The following CLVS1 variants were observed in gnomAD, a reference collection of about 807,000 sequenced individuals.
CLVS1 encodes clavesin 1, also known as clavesin-1.
CLVS1 carries 10 observed loss-of-function variants against 33.1 expected under a neutral mutation model. The observed-to-expected ratio is 0.30, with a 90% CI of 0.19 to 0.51. The LOEUF (loss-of-function observed/expected upper bound fraction) is 0.51. Ranked by LOEUF, CLVS1 falls within the 20% of genes least tolerant of loss-of-function variation. The probability of loss-of-function intolerance (pLI) is 0.97; values close to 1 mark genes in which losing one functional copy is unlikely to be tolerated. For missense variants in CLVS1, 343 were observed against 433.4 expected (o/e 0.79, Z 1.85); for synonymous variants, 163 against 166.1 (o/e 0.98, Z 0.14).
At chr8:61,221,885 A>G (rs1357511122) in intron 2 of CLVS1, among the ~76,000 whole-genome samples, 1 of 152,092 alleles carries the variant, frequency 6.6e-6, no homozygotes, top group African/African-American at 2.4e-5. Flanking sequence ...CTATTCAGAG[A>G]TTTGACTTCC....
At chr8:61,009,405 C>T in the CLVS1 span, among the ~76,000 whole-genome samples, 3 of 152,158 alleles carry the variant, frequency 2.0e-5, no homozygotes, top group Non-Finnish European at 2.9e-5. Context: ...GCCTCGGCCT[C>T]GCCAAGTGCT....
chr8:61,490,512 CA>C (rs1292850084), intron 5 of CLVS1, among the ~76,000 whole-genome samples: 1 of 150,410 alleles, frequency 6.6e-6, no homozygotes, highest in Admixed American at 6.6e-5. Flanking sequence ...ACTAAAAATA[CA>C]AAAAATTAGC....
intron 2 of CLVS1, among the ~76,000 whole-genome samples, chr8:61,195,890 T>A (rs1357280100): frequency 6.6e-6 from 1 of 152,168 alleles, no homozygotes; most frequent in Admixed American, 6.6e-5. Context: ...ATCACTTTAT[T>A]TACAAGTATG....
intron 2 of CLVS1, among the ~76,000 whole-genome samples, chr8:61,247,430 T>C (rs552434709): frequency 3.9e-5 from 6 of 152,334 alleles, no homozygotes; most frequent in African/African-American, 1.4e-4. Flanking sequence ...TGTATAAGGG[T>C]TCCATTTTCT....
At chr8:60,987,337 C>T in the CLVS1 span, among the ~76,000 whole-genome samples, 1 of 152,142 alleles carries the variant, frequency 6.6e-6, no homozygotes, top group Non-Finnish European at 1.5e-5. Flanking sequence ...GGTTACATTG[C>T]AGACAATAGC....
the CLVS1 span, among the ~76,000 whole-genome samples, chr8:61,016,522 C>A: frequency 1.3e-5 from 2 of 152,220 alleles, no homozygotes; most frequent in African/African-American, 2.4e-5. Context: ...GAACATCCAC[C>A]AAACCTAGGG....
intron 2 of CLVS1, among the ~76,000 whole-genome samples, chr8:61,174,371 G>A (rs1033727406): frequency 2.6e-5 from 4 of 152,102 alleles, no homozygotes; most frequent in African/African-American, 9.7e-5. Context: ...GGGAGGCAGA[G>A]GTTGCAGTGA....
At chr8:61,388,898 G>C (rs929365489) in intron 3 of CLVS1, among the ~76,000 whole-genome samples, 4 of 151,926 alleles carry the variant, frequency 2.6e-5, no homozygotes, top group Non-Finnish European at 4.4e-5. Context: ...TTGTACCCTT[G>C]AACAAATTTC....
intron 1 of CLVS1, among the ~76,000 whole-genome samples, chr8:61,072,508 C>G (rs1804817004): frequency 6.6e-6 from 1 of 152,082 alleles, no homozygotes; most frequent in Non-Finnish European, 1.5e-5. Flanking sequence ...TCTCTTATTC[C>G]AAGCATGCAT....
At chr8:61,120,083 T>C (rs1188737040) in intron 1 of CLVS1, among the ~76,000 whole-genome samples, 1 of 148,634 alleles carries the variant, frequency 6.7e-6, no homozygotes, top group Non-Finnish European at 1.5e-5. Flanking sequence ...TTTTTATTCT[T>C]TTTTCTCTAA....
At chr8:61,374,830 G>T (rs1034706663) in intron 2 of CLVS1, among the ~76,000 whole-genome samples, 1 of 152,070 alleles carries the variant, frequency 6.6e-6, no homozygotes, top group Non-Finnish European at 1.5e-5. Context: ...AGACTTGAGG[G>T]TTTTTTCTAT....
At chr8:61,089,067 G>A (rs1266508198) in intron 1 of CLVS1, among the ~76,000 whole-genome samples, 2 of 152,102 alleles carry the variant, frequency 1.3e-5, no homozygotes, top group African/African-American at 4.8e-5. Context: ...CTCCCGAAGT[G>A]CTGGATTACA....
intron 2 of CLVS1, among the ~76,000 whole-genome samples, chr8:61,345,260 A>G (rs1812170924): frequency 6.6e-6 from 1 of 152,146 alleles, no homozygotes; most frequent in Non-Finnish European, 1.5e-5. Flanking sequence ...TTCCTTTATT[A>G]TAATCTTTGG....
At chr8:61,052,728 G>A (rs934187442), upstream of CLVS1, among the ~76,000 whole-genome samples, 5 of 152,168 alleles carry the variant, frequency 3.3e-5, no homozygotes, top group African/African-American at 1.2e-4. Context: ...CAGGTGGCGT[G>A]GGGCTCTGAG....
chr8:61,286,127 T>A (rs1809775090), upstream of CLVS1, among the ~76,000 whole-genome samples: 1 of 152,122 alleles, frequency 6.6e-6, no homozygotes, highest in Non-Finnish European at 1.5e-5. Flanking sequence ...TAACTGTGGC[T>A]TCTTCTTTGT....
intron 2 of CLVS1, among the ~76,000 whole-genome samples, chr8:61,257,856 A>T (rs1264840677): frequency 6.6e-6 from 1 of 152,140 alleles, no homozygotes; most frequent in Non-Finnish European, 1.5e-5. Flanking sequence ...TATATATTTT[A>T]TTTATGTGTC....
chr8:61,393,564 C>T (rs1814392740), intron 3 of CLVS1, among the ~76,000 whole-genome samples: 1 of 152,144 alleles, frequency 6.6e-6, no homozygotes, highest in Admixed American at 6.5e-5. Context: ...AACTCAAGGG[C>T]TGCTGTCCAT....
chr8:61,136,214 T>C (rs139576307), intron 2 of CLVS1, among the ~76,000 whole-genome samples: 3 of 152,336 alleles, frequency 2.0e-5, no homozygotes, highest in East Asian at 3.9e-4. Flanking sequence ...GAGGGTCATA[T>C]TGGATGCACG....
the CLVS1 span, among the ~76,000 whole-genome samples, chr8:61,011,244 C>A: frequency 6.6e-6 from 1 of 152,148 alleles, no homozygotes; most frequent in Non-Finnish European, 1.5e-5. Flanking sequence ...CCAGCCTGAT[C>A]AACATAGTGA....
Sources: gnomAD v4.1 joint callset for allele counts (sites outside exome capture counted in the v4.1 genomes callset) on GRCh38, gnomAD v4.1.1 for gene constraint, MANE v1.5 for transcripts, NCBI Gene and HGNC (gene_info 2026-07-23, HGNC 2026-07-21) for gene names.